The following TBC1D24 variants were observed in gnomAD, a reference collection of about 807,000 sequenced individuals.
TBC1D24 encodes the protein TBC1 domain family member 24.
A neutral mutation model predicts 50.7 loss-of-function variants in TBC1D24; 47 were observed. That is an observed-to-expected ratio of 0.93 (90% CI 0.73 to 1.18). TBC1D24 has a LOEUF of 1.18. TBC1D24 is among the 50% of genes most tolerant of loss of function. The pLI is 0.00. For synonymous variants in TBC1D24, 324 were observed against 335.2 expected (o/e 0.97, Z 0.36); for missense variants, 688 against 766.5 (o/e 0.90, Z 1.21).
At position 2,496,640 on chromosome 16, in the gene TBC1D24, C is replaced by T. The variant is rs369172908; in HGVS notation, c.492C>T (p.Pro164=). The change falls in exon 2 of 8, where the codon CCC becomes CCT. Residue 164 remains proline (P), a synonymous_variant. Coordinates refer to ENST00000646147, the MANE Select transcript of TBC1D24 (RefSeq NM_001199107.2). ...KACRILACND[P]GRRLIDQSFL... ...GCCGCATCCTGGCCTGCAATGACCC[C>T]GGCAGGAGGCTGATCGACCAGAGCT... The T allele has an allele frequency of 4.1e-5, 66 of 1,612,344 alleles. No individual in the cohort carries two copies. In the South Asian group the frequency reaches 5.6e-4, roughly 14 times the overall value.
At chr16:2,484,942 A>T (rs1368555414) in intron 1 of TBC1D24, 1 of 152,270 alleles carries the variant, frequency 6.6e-6, no homozygotes, top group African/African-American at 2.4e-5. Context: ...AGGAGGCGTC[A>T]TCCCCTCCCT....
chr16:2,504,623 G>A lies in TBC1D24; in HGVS notation c.*3665G>A, dbSNP rs1404461637. 1 of 151,990 alleles carries A rather than the reference G, an allele frequency of 6.6e-6. No homozygotes were observed. Among genetic ancestry groups the A allele is most frequent in the Non-Finnish European group, 1.5e-5 (1 of 68,032 alleles). The allele number at this position is 151,990 out of a possible 1,614,324, so 9.4% of individuals were successfully genotyped here. On this transcript the variant is annotated 3_prime_UTR_variant, in exon 8 of 8. Transcript: ENST00000646147. ...TTTAGTAGAGATGGGGTTTCACCGT[G>A]TTAGCCAGGATGGTCTTGATCTCCT...
In TBC1D24 at chr16:2,496,490, G is replaced by C. The variant is rs1288371451; in HGVS notation, c.342G>C (p.Val114=). The C allele has an allele frequency of 6.2e-7, 1 of 1,610,106 alleles. No individual in the cohort carries two copies. ...YCLNARGEGA[V]RKILLCLANQ... is the part of the protein sequence containing the mutation. ...TGAATGCACGCGGCGAGGGGGCCGT[G>C]CGCAAGATCCTCCTGTGCCTGGCCA... Residue 114 remains valine (V), a synonymous_variant, in exon 2 of 8, where the codon GTG becomes GTC. Transcript: ENST00000646147.
rs534694015 is a variant in TBC1D24 at position 2,487,059 on chromosome 16, G to A, written c.-115-8975G>A. ...CCTGCCTAGACTTTCCTCCTACCCC[G>A]TGTGGGGACACCCGCCTCTTAGCGC... On this transcript the variant is annotated intron_variant, in intron 1 of 7. Coordinates refer to ENST00000646147, the MANE Select transcript of TBC1D24 (RefSeq NM_001199107.2). The surrounding 1 kb of genome is among the most constrained non-coding windows in gnomAD (Gnocchi z 4.1). Among the ~76,000 whole-genome samples, 48 of 152,268 alleles carry A rather than the reference G, an allele frequency of 3.2e-4. No homozygotes were observed. Among genetic ancestry groups the A allele is most frequent in the African/African-American group, 1.0e-3 (43 of 41,548 alleles).
rs2065645091 is a variant in TBC1D24, at chr16:2,485,833, G to T, written c.-115-10201G>T. Among the ~76,000 whole-genome samples the T allele has an allele frequency of 6.6e-6, 1 of 152,170 alleles. No homozygotes were observed. The highest frequency in any genetic ancestry group is 6.5e-5 in the Admixed American group (1 of 15,282). On this transcript the variant is annotated intron_variant, in intron 1 of 7. Coordinates refer to ENST00000646147, the MANE Select transcript of TBC1D24 (RefSeq NM_001199107.2). This position sits in a 1 kb window ranked among gnomAD's most constrained non-coding sequence, Gnocchi z 4.6. Reference sequence around the variant, plus strand: ...CTGGCGTCAGAGCAGAGGAAAACGTGGTATGAGAGTTTTTCCAAAGAGTCC... The same window carrying T: ...CTGGCGTCAGAGCAGAGGAAAACGTTGTATGAGAGTTTTTCCAAAGAGTCC...
At position 2,482,194 on chromosome 16, in the gene TBC1D24, G is replaced by C. The variant is rs1241943813; in HGVS notation, c.-116+7024G>C. 2.0e-5 allele frequency: 3 copies of C among 152,284 alleles called. No homozygotes were observed. Among genetic ancestry groups the C allele is most frequent in the African/African-American group, 7.2e-5 (3 of 41,448 alleles). 9.4% of individuals were successfully genotyped at this position (152,284 alleles called of 1,614,324 possible). The stretch of plus-strand genomic sequence containing the variant: ...CCCAAGTGGTTTGCGATTTCTCTGA[G>C]TCTCTGCCTGTTTTCTTCTCTGTTC... On this transcript the variant is annotated intron_variant, in intron 1 of 7. Coordinates refer to ENST00000646147, the MANE Select transcript of TBC1D24 (RefSeq NM_001199107.2). This position sits in a 1 kb window ranked among gnomAD's most constrained non-coding sequence, Gnocchi z 5.2.
chr16:2,501,042 AC>A lies in TBC1D24; in HGVS notation c.*89del. ...CCTCGGGCAGCAGAGAGCAGATGAA[AC>A]CCCCATGTGGTAGGCAGGGTTGGGG... is the stretch of plus-strand genomic sequence containing the variant. On this transcript the variant is annotated 3_prime_UTR_variant, in exon 8 of 8. Transcript: ENST00000646147. 2 of 1,557,086 alleles carry A rather than the reference AC, an allele frequency of 1.3e-6. No individual in the cohort carries two copies. Among genetic ancestry groups the A allele is most frequent in the Non-Finnish European group, 1.7e-6 (2 of 1,149,242 alleles).
rs1171887643 is a variant in TBC1D24 at position 2,487,698 on chromosome 16, G to A, written c.-115-8336G>A. On this transcript the variant is annotated intron_variant, in intron 1 of 7. Transcript: ENST00000646147. The surrounding 1 kb of genome is among the most constrained non-coding windows in gnomAD (Gnocchi z 4.1). ...GAGTTTGGTGCTGGAGTTTGGTGCTGGAGTTTGGTGTTGGAGTTTGGTGTT... is the reference window on the plus strand; with the variant it reads ...GAGTTTGGTGCTGGAGTTTGGTGCTAGAGTTTGGTGTTGGAGTTTGGTGTT... 6.6e-6 allele frequency among the ~76,000 whole-genome samples: 1 copy of A among 151,828 alleles called. No individual in the cohort carries two copies. Among genetic ancestry groups the A allele is most frequent in the African/African-American group, 2.4e-5 (1 of 41,386 alleles).
At chr16:2,495,740 C>G (rs997858995) in intron 1 of TBC1D24, among the ~76,000 whole-genome samples, 6 of 151,936 alleles carry the variant, frequency 3.9e-5, no homozygotes, top group African/African-American at 1.5e-4. Flanking sequence ...GATCGTGACA[C>G]TGTACTCCAG....
intron 4 of TBC1D24, 43 bp downstream of exon 4, chr16:2,498,439 C>A: frequency 6.4e-7 from 1 of 1,557,420 alleles, no homozygotes; most frequent in Non-Finnish European, 8.7e-7. Context: ...AGCCGCCCAG[C>A]CACGTGTCCT....
Position 2,500,818 on chromosome 16 carries a change from C to T in TBC1D24, c.1540C>T (p.Gln514Ter), listed in dbSNP as rs746057710. 4 of 1,606,102 alleles carry T rather than the reference C, an allele frequency of 2.5e-6. No individual in the cohort carries two copies. ...GCATCCTGCAGGGGGAGGAGGCGGC[C>T]AGGCGCTCTACATCGATGGGGACCT... Reference protein sequence around the residue: ...DCLIVGGGGGQALYIDGDLNR... With the variant: ...DCLIVGGGGG The change falls in exon 8 of 8, where the codon CAG becomes TAG. Residue 514 changes from glutamine to a stop codon, truncating the protein, a stop_gained. Transcript: ENST00000646147. LOFTEE classifies it high-confidence loss of function. The surrounding 1 kb of genome is among the most constrained non-coding windows in gnomAD (Gnocchi z 8.0).
chr16:2,496,527 G>C lies in TBC1D24; in HGVS notation c.379G>C (p.Asp127His), dbSNP rs750962753. ...CCTGTGCCTGGCCAACCAGTTCCCC[G>C]ACATCTCCTTCTGCCCCGCCCTGCC... ...ILLCLANQFPDISFCPALPAV... is the reference protein window; with the variant it reads ...ILLCLANQFPHISFCPALPAV... The change falls in exon 2 of 8, where the codon GAC becomes CAC. Residue 127 changes from aspartate to histidine, a missense_variant. Transcript: ENST00000646147. 1.2e-6 allele frequency: 2 copies of C among 1,608,594 alleles called. No individual in the cohort carries two copies. Among genetic ancestry groups the C allele is most frequent in the Admixed American group, 1.7e-5 (1 of 60,006 alleles).
At chr16:2,477,042 A>C (rs1334831738) in intron 1 of TBC1D24, 2 of 152,250 alleles carry the variant, frequency 1.3e-5, no homozygotes, top group African/African-American at 4.8e-5. Context: ...GCAGGTTACA[A>C]AAAAAGCACT....
rs572299089 is a variant in TBC1D24 at position 2,476,241 on chromosome 16, T to C, written c.-116+1071T>C. ...GAGGTCCAGGGCTCCGTCTTCACAG[T>C]CTGTCCTCAGCACACAGTAGGCACC... On this transcript the variant is annotated intron_variant, in intron 1 of 7. Coordinates refer to ENST00000646147, the MANE Select transcript of TBC1D24 (RefSeq NM_001199107.2). Among the ~76,000 whole-genome samples the C allele has an allele frequency of 2.0e-5, 3 of 152,294 alleles. No individual in the cohort carries two copies. In the South Asian group the frequency reaches 6.2e-4, roughly 32 times the overall value.
In TBC1D24 at chr16:2,497,018, C is replaced by T. The variant is rs770453630; in HGVS notation, c.870C>T (p.Phe290=). The change falls in exon 2 of 8, where the codon TTC becomes TTT. Residue 290 remains phenylalanine, a synonymous_variant. Coordinates refer to ENST00000646147, the MANE Select transcript of TBC1D24 (RefSeq NM_001199107.2). Reference sequence around the variant, plus strand: ...CTGAGAAGCTGCTGGAGAAAGCGTTCGCCATCCGCCTCTTCTCCCGCAAGG... The same window carrying T: ...CTGAGAAGCTGCTGGAGAAAGCGTTTGCCATCCGCCTCTTCTCCCGCAAGG... The part of the protein sequence containing the change: ...VSPEKLLEKA[F]AIRLFSRKEI... 34 of 1,613,766 alleles carry T rather than the reference C, an allele frequency of 2.1e-5. No individual in the cohort carries two copies. The highest frequency in any genetic ancestry group is 1.2e-4 in the South Asian group (11 of 91,076).
At chr16:2,498,149 C>A in intron 3 of TBC1D24, 89 bp from the exon 4 acceptor site, 2 of 1,506,944 alleles carry the variant, frequency 1.3e-6, no homozygotes, top group Non-Finnish European at 1.8e-6. Context: ...TCTGGGTTTA[C>A]TTCCAAAGAG....
At position 2,500,921 on chromosome 16, in the gene TBC1D24, T is replaced by C; in HGVS notation, c.1643T>C (p.Val548Ala). The change falls in exon 8 of 8, where the codon GTG (valine) becomes GCG (alanine). Residue 548 changes from valine to alanine, a missense_variant. By Grantham distance (64) the Val-to-Ala change is moderately conservative. Transcript: ENST00000646147. The surrounding 1 kb of genome is among the most constrained non-coding windows in gnomAD (Gnocchi z 8.0). Reference protein sequence around the residue: ...LCSENFLIAAVEAWGFQDPDT... With the variant: ...LCSENFLIAAAEAWGFQDPDT... ...TCCGAGAACTTCCTCATTGCTGCCG[T>C]GGAGGCCTGGGGCTTCCAGGACCCT... 1 of 1,612,672 alleles carries C rather than the reference T, an allele frequency of 6.2e-7. No homozygotes were observed. Among genetic ancestry groups the C allele is most frequent in the Non-Finnish European group, 8.5e-7 (1 of 1,179,938 alleles).
In TBC1D24 at chr16:2,475,744, A is replaced by G. The variant is rs1195687357; in HGVS notation, c.-116+574A>G. 6.6e-6 allele frequency among the ~76,000 whole-genome samples: 1 copy of G among 151,772 alleles called. No homozygotes were observed. The highest frequency in any genetic ancestry group is 2.4e-5 in the African/African-American group (1 of 41,250). On this transcript the variant is annotated intron_variant, in intron 1 of 7. Transcript: ENST00000646147. The surrounding 1 kb of genome is among the most constrained non-coding windows in gnomAD (Gnocchi z 4.2). The stretch of plus-strand genomic sequence containing the variant: ...CGGCCGCTGTCCTTCGGGCCCTGGG[A>G]GGTGGAAGCCAGGGACTCCCAGCCC...
chr16:2,503,482 G>GT lies in TBC1D24; in HGVS notation c.*2527dup, dbSNP rs200377394. On this transcript the variant is annotated 3_prime_UTR_variant, in exon 8 of 8. Coordinates refer to ENST00000646147, the MANE Select transcript of TBC1D24 (RefSeq NM_001199107.2). ...TCTGCCTATGAAGTAGCCATTCTTT[G>GT]TTTAAAAAAAAAAAAAGCCAACATT... 1 of 139,720 alleles carries GT rather than the reference G, an allele frequency of 7.2e-6. No individual in the cohort carries two copies. The highest frequency in any genetic ancestry group is 2.2e-4 in the South Asian group (1 of 4,466). The allele number at this position is 139,720 out of a possible 1,614,324, so 8.7% of individuals were successfully genotyped here. A position where few individuals can be genotyped will look rare whatever the true frequency, so the allele number is the denominator to read the frequency against.
Sources: allele counts gnomAD v4.1 joint callset (sites outside exome capture counted in the v4.1 genomes callset), GRCh38; gene constraint gnomAD v4.1.1; non-coding constraint Gnocchi (gnomAD v3.1); transcripts MANE v1.5; gene names NCBI Gene and HGNC (gene_info 2026-07-23, HGNC 2026-07-21).